Variants in CA10 observed in about 807,000 individuals in gnomAD.
The protein encoded by CA10 is carbonic anhydrase-related protein 10.
Under a neutral mutation model 44.2 loss-of-function variants are expected in CA10, and 14 were observed. That is an observed-to-expected ratio of 0.32 (90% CI 0.21 to 0.50). The LOEUF (loss-of-function observed/expected upper bound fraction) is 0.50. Ranked by LOEUF, CA10 falls within the 20% of genes least tolerant of loss-of-function variation. The pLI is 0.99. For missense variants in CA10, 350 were observed against 409.7 expected, an observed-to-expected ratio of 0.85 and a Z score of 1.26; for synonymous variants, 159 against 141.6, an observed-to-expected ratio of 1.12 and a Z score of -0.87.
chr17:52,037,902 C>A (rs576805336), intron 2 of CA10, among the ~76,000 whole-genome samples: 5 of 152,090 alleles, frequency 3.3e-5, no homozygotes, highest in African/African-American at 1.2e-4. Context: ...CATTATCTTG[C>A]CCACCTACTA....
intron 3 of CA10, among the ~76,000 whole-genome samples, chr17:51,893,169 T>G (rs1980932097): frequency 6.6e-6 from 1 of 152,128 alleles, no homozygotes; most frequent in Non-Finnish European, 1.5e-5. Flanking sequence ...AAATATGTGA[T>G]ATCCTAACGA....
intron 1 of CA10, among the ~76,000 whole-genome samples, chr17:52,141,312 G>C (rs1371547061): frequency 6.6e-6 from 1 of 152,102 alleles, no homozygotes; most frequent in Non-Finnish European, 1.5e-5. Context: ...CATTACTTTG[G>C]GGTAGTAAAA....
intron 4 of CA10, among the ~76,000 whole-genome samples, chr17:51,721,787 A>G (rs1472791682): frequency 1.3e-5 from 2 of 152,154 alleles, no homozygotes. Flanking sequence ...TGGTGCACCC[A>G]AAGAAGGCCT....
At chr17:51,633,683 C>T (rs772023584) in intron 7 of CA10, 33 bp from the exon 8 acceptor site, 7 of 1,606,074 alleles carry the variant, frequency 4.4e-6, no homozygotes, top group South Asian at 3.3e-5. Context: ...GAGATCCAAC[C>T]ATCCTCTTAA....
chr17:51,638,847 G>A (rs1912947994), intron 6 of CA10, among the ~76,000 whole-genome samples: 1 of 152,174 alleles, frequency 6.6e-6, no homozygotes, highest in African/African-American at 2.4e-5. Flanking sequence ...GTTTGTAGCT[G>A]GGAATCGGGT....
At position 51,631,325 on chromosome 17, in the gene CA10, A is replaced by AGT. The variant is rs371836747; in HGVS notation, c.*257_*258dup. 2.5e-4 allele frequency: 115 copies of AGT among 455,392 alleles called. No individual in the cohort carries two copies. Among genetic ancestry groups the AGT allele is most frequent in the Non-Finnish European group, 3.4e-4 (87 of 254,258 alleles). 28.2% of individuals were successfully genotyped at this position (455,392 alleles called of 1,614,324 possible). On this transcript the variant is annotated 3_prime_UTR_variant, in exon 9 of 9. Transcript: ENST00000451037. ...GACTTCCCATGATGGAGGTTGTAAG[A>AGT]GTGTGTGTGTGTGTAGGTATGTTTG...
intron 1 of CA10, among the ~76,000 whole-genome samples, chr17:52,128,390 A>T (rs2143339664): frequency 6.6e-6 from 1 of 152,326 alleles, no homozygotes; most frequent in Admixed American, 6.5e-5. Flanking sequence ...AGAAAGATGT[A>T]CTTACCACTC....
chr17:52,081,719 T>G (rs1354103790), intron 1 of CA10, among the ~76,000 whole-genome samples: 9 of 148,288 alleles, frequency 6.1e-5, no homozygotes, highest in Non-Finnish European at 1.3e-4. Context: ...AGAATGGCGT[T>G]AACCTGGGAG....
At chr17:51,900,077 A>G (rs975831879) in intron 3 of CA10, among the ~76,000 whole-genome samples, 10 of 150,714 alleles carry the variant, frequency 6.6e-5, no homozygotes, top group African/African-American at 2.4e-4. Context: ...GCTTTGTGTC[A>G]CTAGCTAGTT....
chr17:51,781,136 G>A (rs938335882), intron 3 of CA10, among the ~76,000 whole-genome samples: 1 of 152,138 alleles, frequency 6.6e-6, no homozygotes, highest in South Asian at 2.1e-4. Context: ...TAGTAAGGAC[G>A]AGATCAAGAA....
chr17:51,853,981 C>T (rs769339609), intron 3 of CA10, among the ~76,000 whole-genome samples: 25 of 152,240 alleles, frequency 1.6e-4, no homozygotes, highest in East Asian at 3.9e-4. Flanking sequence ...AGTGTGAAAA[C>T]GAATGAATAC....
chr17:51,952,015 T>C (rs1355094469), intron 2 of CA10, among the ~76,000 whole-genome samples: 1 of 152,204 alleles, frequency 6.6e-6, no homozygotes, highest in Admixed American at 6.5e-5. Flanking sequence ...AATCAAAACA[T>C]TGTGATGTTC....
At chr17:52,128,196 C>T (rs560966595) in intron 1 of CA10, among the ~76,000 whole-genome samples, 2 of 152,202 alleles carry the variant, frequency 1.3e-5, no homozygotes, top group Admixed American at 6.5e-5. Flanking sequence ...TTTATCTCTG[C>T]CTCCCTTGCA....
intron 4 of CA10, among the ~76,000 whole-genome samples, chr17:51,679,415 A>G (rs960101310): frequency 6.6e-6 from 1 of 151,550 alleles, no homozygotes; most frequent in East Asian, 2.0e-4. Flanking sequence ...GCCCACCACC[A>G]CGCCCAGCTA....
chr17:52,148,618 A>G (rs532760334), intron 1 of CA10, among the ~76,000 whole-genome samples: 1 of 152,182 alleles, frequency 6.6e-6, no homozygotes, highest in African/African-American at 2.4e-5. Context: ...CCCCTCCCTC[A>G]TGGCCTCAGA....
At position 52,040,145 on chromosome 17, in the gene CA10, CTTTTTTTTT is replaced by C. The variant is rs200635464; in HGVS notation, c.136+32165_136+32173del. On this transcript the variant is annotated intron_variant, in intron 2 of 8. Transcript: ENST00000451037. ...ATCCCCTTTTTCCTTTCTTTTTTTT[CTTTTTTTTT>C]TTTTTGGAGTCATTCTCAAGTCACT... 6.4e-4 allele frequency among the ~76,000 whole-genome samples: 89 copies of C among 139,058 alleles called. 2 individuals carry two copies. In the South Asian group the frequency reaches 0.019, roughly 30 times the overall value. 91.2% of individuals were successfully genotyped at this position (139,058 alleles called of 152,430 possible). A position where few individuals can be genotyped will look rare whatever the true frequency, so the allele number is the denominator to read the frequency against.
At chr17:51,641,151 GCTCT>G (rs1174508354) in intron 6 of CA10, among the ~76,000 whole-genome samples, 2 of 143,816 alleles carry the variant, frequency 1.4e-5, no homozygotes, top group Non-Finnish European at 3.1e-5. Flanking sequence ...CTCTCTCTCA[GCTCT>G]CTCTCTCTCT....
intron 4 of CA10, among the ~76,000 whole-genome samples, chr17:51,684,972 A>G (rs940609943): frequency 2.0e-5 from 3 of 152,228 alleles, no homozygotes; most frequent in African/African-American, 7.2e-5. Flanking sequence ...GACTGCAAAA[A>G]TTAGACAGGC....
At chr17:51,716,284 A>C (rs1242114538) in intron 4 of CA10, among the ~76,000 whole-genome samples, 2 of 151,964 alleles carry the variant, frequency 1.3e-5, no homozygotes, top group Non-Finnish European at 1.5e-5. Flanking sequence ...CTCTTTAATC[A>C]TTTTCAGGGG....
Sources: gnomAD v4.1 joint callset for allele counts (sites outside exome capture counted in the v4.1 genomes callset) on GRCh38, gnomAD v4.1.1 for gene constraint, MANE v1.5 for transcripts, NCBI Gene and HGNC (gene_info 2026-07-23, HGNC 2026-07-21) for gene names.